Variants in MTOR observed in about 807,000 individuals in gnomAD.
MTOR encodes serine/threonine-protein kinase mTOR.
In MTOR, 70 loss-of-function variants were observed where a neutral mutation model predicts 319.8. The ratio of observed to expected loss-of-function variants is 0.22; its 90% CI spans 0.18 to 0.27. The LOEUF (loss-of-function observed/expected upper bound fraction) is 0.27. Ranked by LOEUF, MTOR falls within the 10% of genes least tolerant of loss-of-function variation. MTOR has a pLI of 1.00. For synonymous variants in MTOR, 1,183 were observed against 1,211.4 expected (o/e 0.98, Z 0.49); for missense variants, 1,890 against 3,274.4 (o/e 0.58, Z 10.32).
intron 47 of MTOR, 68 bp downstream of exon 47, chr1:11,124,430 C>T: frequency 6.4e-7 from 1 of 1,567,974 alleles, no homozygotes; most frequent in South Asian, 1.1e-5. Flanking sequence ...TACATGACTA[C>T]ACGAGACAAA....
rs77132482 is a variant in MTOR at position 11,231,455 on chromosome 1, G to A, written c.2515-21C>T. 3,204 of 1,612,950 alleles carry A rather than the reference G, an allele frequency of 2.0e-3. 64 individuals carry two copies. In the African/African-American group the frequency reaches 0.038, roughly 19 times the overall value. On this transcript the variant is annotated intron_variant, in intron 16 of 57. Coordinates refer to ENST00000361445, the MANE Select transcript of MTOR (RefSeq NM_004958.4). ...GCCACCTGGATAGGCACAAGAACAC[G>A]ATTCAATGAGCCAGTACGAGAGAAA...
rs760249508 is a variant in MTOR, at chr1:11,122,163, A to AG, written c.6663-38_6663-37insC. The AG allele has an allele frequency of 1.4e-5, 23 of 1,613,208 alleles. No individual in the cohort carries two copies. The East Asian group carries it at 4.7e-4, about 33-fold the overall frequency. ...AGAAAAGCAGGGTTAGTGTACCGTA[A>AG]AGAGAGTATACCCTTGAGCAGCTCA... On this transcript the variant is annotated intron_variant, in intron 47 of 57. Transcript: ENST00000361445.
chr1:11,226,197 T>TA (rs1189278644), intron 19 of MTOR: 6 of 152,150 alleles, frequency 3.9e-5, no homozygotes, highest in Non-Finnish European at 8.8e-5. Context: ...ACATTCATAA[T>TA]AAAACTCTTT....
chr1:11,173,771 C>T (rs1644899004), intron 28 of MTOR, among the ~76,000 whole-genome samples: 1 of 152,182 alleles, frequency 6.6e-6, no homozygotes, highest in African/African-American at 2.4e-5. Flanking sequence ...CTGGAGAATA[C>T]TAATTATGGA....
Position 11,228,844 on chromosome 1 carries a change from T to A in MTOR, c.2854A>T (p.Met952Leu). The part of the protein sequence containing the change: ...PLDEFYPAVS[M>L]VALMRIFRDQ... ...CGGAAGATCCGCATCAGGGCCACCATGGACACAGCTGGGTAGAACTCATCC... is the reference window on the plus strand; with the variant it reads ...CGGAAGATCCGCATCAGGGCCACCAAGGACACAGCTGGGTAGAACTCATCC... Residue 952 changes from methionine (M) to leucine (L), a missense_variant, in exon 19 of 58, where the codon ATG (methionine) becomes TTG (leucine). Met to Leu is a conservative substitution (Grantham distance 15). Coordinates refer to ENST00000361445, the MANE Select transcript of MTOR (RefSeq NM_004958.4). 6.2e-7 allele frequency: 1 copy of A among 1,614,194 alleles called. No homozygotes were observed. The highest frequency in any genetic ancestry group is 8.5e-7 in the Non-Finnish European group (1 of 1,180,020).
chr1:11,118,529 CTGGTCT>C (rs1315171167), intron 49 of MTOR, among the ~76,000 whole-genome samples: 5 of 150,766 alleles, frequency 3.3e-5, no homozygotes, highest in Non-Finnish European at 7.4e-5. Context: ...ACCACCGTGC[CTGGTCT>C]TGTTTATTTT....
rs1311537599 is a variant in MTOR, at chr1:11,133,245, C to A, written c.5247-48G>T. ...CCATGACATTCCCTCCTCAAAACAGCCCTCCTAAGAGGACCACAAATTGTT... is the reference window on the plus strand; with the variant it reads ...CCATGACATTCCCTCCTCAAAACAGACCTCCTAAGAGGACCACAAATTGTT... On this transcript the variant is annotated intron_variant, in intron 37 of 57. Transcript: ENST00000361445. This position sits in a 1 kb window ranked among gnomAD's most constrained non-coding sequence, Gnocchi z 4.0. 6.6e-7 allele frequency: 1 copy of A among 1,521,148 alleles called. No homozygotes were observed. The allele number at this position is 1,521,148 out of a possible 1,614,324, so 94.2% of individuals were successfully genotyped here.
chr1:11,201,034 A>T (rs971174990), intron 26 of MTOR, among the ~76,000 whole-genome samples: 3 of 151,948 alleles, frequency 2.0e-5, no homozygotes, highest in Non-Finnish European at 4.4e-5. Flanking sequence ...AAAAAAATTA[A>T]AAGTAAGTTT....
At position 11,128,281 on chromosome 1, in the gene MTOR, T is replaced by G. The variant is rs973329407; in HGVS notation, c.5911-155A>C. The stretch of plus-strand genomic sequence containing the variant: ...GGGCTCAGTCTTCGAGGGAACGCTT[T>G]CTTTTTAGCAAGGCTCCCGGGCCCT... On this transcript the variant is annotated intron_variant, in intron 42 of 57. Transcript: ENST00000361445. This position sits in a 1 kb window ranked among gnomAD's most constrained non-coding sequence, Gnocchi z 5.3. Among the ~76,000 whole-genome samples the G allele has an allele frequency of 4.6e-5, 7 of 152,220 alleles. No individual in the cohort carries two copies. Among genetic ancestry groups the G allele is most frequent in the Non-Finnish European group, 5.9e-5 (4 of 68,040 alleles).
chr1:11,208,757 TG>T (rs959872452), intron 25 of MTOR, among the ~76,000 whole-genome samples: 36 of 152,338 alleles, frequency 2.4e-4, no homozygotes, highest in African/African-American at 8.7e-4. Context: ...TCTTAGGCTT[TG>T]GCCAGCAGAG....
rs534029609 is a variant in MTOR, at chr1:11,188,869, G to A, written c.4253+10389C>T. Among the ~76,000 whole-genome samples, 156 of 152,280 alleles carry A rather than the reference G, an allele frequency of 1.0e-3. 1 individual carries two copies. The highest frequency in any genetic ancestry group is 6.8e-3 in the Middle Eastern group (2 of 294). ...TTTATAAAATACTAAATAATGATCA[G>A]AGATGGGAATAATCAGCCTAGATAA... On this transcript the variant is annotated intron_variant, in intron 28 of 57. Transcript: ENST00000361445.
At chr1:11,233,736 G>C (rs1293788724) in intron 14 of MTOR, among the ~76,000 whole-genome samples, 1 of 152,128 alleles carries the variant, frequency 6.6e-6, no homozygotes, top group East Asian at 1.9e-4. Flanking sequence ...TCTAAACCGA[G>C]TCTCAGTGAT....
Position 11,128,152 on chromosome 1 carries a change from T to A in MTOR, c.5911-26A>T, listed in dbSNP as rs2100415030. 1 of 1,612,428 alleles carries A rather than the reference T, an allele frequency of 6.2e-7. No individual in the cohort carries two copies. Reference sequence around the variant, plus strand: ...CTGAGGGAAAAACAGAAGAAACATCTATAAAGGAAATGTGGGTTGGGGAAG... The same window carrying A: ...CTGAGGGAAAAACAGAAGAAACATCAATAAAGGAAATGTGGGTTGGGGAAG... On this transcript the variant is annotated intron_variant, in intron 42 of 57. Transcript: ENST00000361445. This position sits in a 1 kb window ranked among gnomAD's most constrained non-coding sequence, Gnocchi z 5.3.
In MTOR at chr1:11,128,019, G is replaced by T; in HGVS notation, c.6018C>A (p.Val2006=). 6.2e-7 allele frequency: 1 copy of T among 1,614,022 alleles called. No homozygotes were observed. The highest frequency in any genetic ancestry group is 1.1e-5 in the South Asian group (1 of 91,054). ...KNMCEHSNTL[V]QQAMMVSEEL... Reference sequence around the variant, plus strand: ...TCCGACCCACCATCATGGCCTGCTGGACCAGGGTGTTGCTGTGCTCACACA... The same window carrying T: ...TCCGACCCACCATCATGGCCTGCTGTACCAGGGTGTTGCTGTGCTCACACA... The change falls in exon 43 of 58, where the codon GTC becomes GTA. Residue 2006 remains valine, a synonymous_variant. Transcript: ENST00000361445. The surrounding 1 kb of genome is among the most constrained non-coding windows in gnomAD (Gnocchi z 5.3).
At chr1:11,108,422 T>C in intron 56 of MTOR, 136 bp from the exon 57 acceptor site, 1 of 741,760 alleles carries the variant, frequency 1.3e-6, no homozygotes, top group Non-Finnish European at 2.2e-6. Context: ...TAGTTGGATT[T>C]GAAAAGTTTG....
intron 25 of MTOR, among the ~76,000 whole-genome samples, chr1:11,207,039 T>G (rs947679055): frequency 6.6e-6 from 1 of 152,254 alleles, no homozygotes; most frequent in Non-Finnish European, 1.5e-5. Context: ...TCCCTAATTA[T>G]CATCACATGA....
At chr1:11,172,200 T>C (rs888160083) in intron 28 of MTOR, among the ~76,000 whole-genome samples, 7 of 152,070 alleles carry the variant, frequency 4.6e-5, no homozygotes, top group African/African-American at 1.4e-4. Context: ...GCCATTAAAC[T>C]TGGGGGTGCA....
rs763033402 is a variant in MTOR, at chr1:11,127,636, T to C, written c.6204A>G (p.Thr2068=). The change falls in exon 44 of 58, where the codon ACA becomes ACG. Residue 2068 remains threonine (T), a synonymous_variant. Transcript: ENST00000361445. The surrounding 1 kb of genome is among the most constrained non-coding windows in gnomAD (Gnocchi z 5.5). ...TTTTACCCCATACCTGATTAAAGGA[T>C]GTTTCCTTCAGAGTCTGGGGGCCCC... ...MERGPQTLKE[T]SFNQAYGRDL... The C allele has an allele frequency of 7.6e-5, 123 of 1,613,096 alleles. 2 individuals carry two copies. In the South Asian group the frequency reaches 1.3e-3, roughly 17 times the overall value.
intron 8 of MTOR, among the ~76,000 whole-genome samples, chr1:11,244,371 G>A (rs976127893): frequency 6.7e-5 from 10 of 149,780 alleles, no homozygotes; most frequent in Admixed American, 6.0e-4. Context: ...GGTGGCTCAC[G>A]CCTGTAATCC....
Sources: gnomAD v4.1 joint callset for allele counts (sites outside exome capture counted in the v4.1 genomes callset) on GRCh38, gnomAD v4.1.1 for gene constraint, Gnocchi (gnomAD v3.1) non-coding constraint, MANE v1.5 for transcripts, NCBI Gene and HGNC (gene_info 2026-07-23, HGNC 2026-07-21) for gene names.